The following C8orf34 variants were observed in gnomAD, a reference collection of about 807,000 sequenced individuals.
C8orf34 encodes uncharacterized protein C8orf34.
C8orf34 carries 65 observed loss-of-function variants against 68.3 expected under a neutral mutation model. The observed-to-expected ratio is 0.95, with a 90% CI of 0.78 to 1.17. The LOEUF is 1.17. Ranked by LOEUF, C8orf34 falls within the 50% of genes most tolerant of loss-of-function variation. C8orf34 has a pLI of 0.00. For synonymous variants in C8orf34, 244 were observed against 241.2 expected, an observed-to-expected ratio of 1.01 and a Z score of -0.11; for missense variants, 664 against 655.4, an observed-to-expected ratio of 1.01 and a Z score of -0.14.
intron 1 of C8orf34, among the ~76,000 whole-genome samples, chr8:68,353,777 C>T (rs573112166): frequency 2.6e-4 from 39 of 151,550 alleles, no homozygotes; most frequent in African/African-American, 9.2e-4. Context: ...TCATTAGTCT[C>T]TAAAGAATAT....
chr8:68,493,413 G>A (rs1257941224), intron 5 of C8orf34, among the ~76,000 whole-genome samples: 2 of 152,006 alleles, frequency 1.3e-5, no homozygotes, highest in African/African-American at 4.8e-5. Context: ...AAAAAAACAC[G>A]ATGAGATACC....
chr8:68,771,008 A>G (rs965970439), intron 10 of C8orf34, among the ~76,000 whole-genome samples: 1 of 152,178 alleles, frequency 6.6e-6, no homozygotes, highest in African/African-American at 2.4e-5. Context: ...TTCCAGAGAA[A>G]TGTGGTCTGC....
intron 3 of C8orf34, 77 bp from the exon 4 acceptor site, chr8:68,468,615 C>A: frequency 6.9e-7 from 1 of 1,443,348 alleles, no homozygotes; most frequent in Non-Finnish European, 9.5e-7. Flanking sequence ...TTGGTACAGT[C>A]TTTCACGTGA....
At chr8:68,492,362 T>C (rs975447670) in intron 5 of C8orf34, among the ~76,000 whole-genome samples, 9 of 152,226 alleles carry the variant, frequency 5.9e-5, no homozygotes, top group African/African-American at 1.9e-4. Flanking sequence ...CTTGAGTAGC[T>C]GGGACTACAA....
chr8:68,530,750 C>T (rs1411172681), intron 6 of C8orf34: 7 of 385,382 alleles, frequency 1.8e-5, no homozygotes, highest in East Asian at 1.3e-4. Flanking sequence ...GGAATGATAT[C>T]GAGGGTTAGT....
chr8:68,337,732 A>T (rs1238419886), intron 1 of C8orf34, among the ~76,000 whole-genome samples: 1 of 152,180 alleles, frequency 6.6e-6, no homozygotes, highest in Admixed American at 6.5e-5. Flanking sequence ...AAATTATGTG[A>T]ATGTAGTTCA....
intron 8 of C8orf34, among the ~76,000 whole-genome samples, chr8:68,704,361 A>T (rs1206908387): frequency 2.6e-5 from 4 of 152,120 alleles, no homozygotes; most frequent in Admixed American, 2.6e-4. Flanking sequence ...TGCCAGAGGT[A>T]ATAGTATAAT....
intron 1 of C8orf34, among the ~76,000 whole-genome samples, chr8:68,347,895 TC>T (rs1806349208): frequency 2.0e-5 from 3 of 152,068 alleles, no homozygotes; most frequent in Admixed American, 2.0e-4. Flanking sequence ...AAATATTTTC[TC>T]CCCGCTCTGT....
intron 6 of C8orf34, among the ~76,000 whole-genome samples, chr8:68,523,084 G>A (rs940976038): frequency 1.3e-5 from 2 of 152,146 alleles, no homozygotes; most frequent in Non-Finnish European, 2.9e-5. Context: ...CTATTTCCAT[G>A]AGAAATAACT....
At chr8:68,404,878 G>T (rs1238084042) in intron 1 of C8orf34, among the ~76,000 whole-genome samples, 1 of 151,982 alleles carries the variant, frequency 6.6e-6, no homozygotes, top group South Asian at 2.1e-4. Context: ...GAAATTTAAA[G>T]TAGTTTTTTT....
intron 7 of C8orf34, among the ~76,000 whole-genome samples, chr8:68,567,577 CTT>C (rs1160845483): frequency 9.7e-4 from 29 of 29,774 alleles, no homozygotes; most frequent in Non-Finnish European, 1.4e-3. Flanking sequence ...TTTCATTTAT[CTT>C]TTTTTTTTTT....
intron 4 of C8orf34, 144 bp from the exon 5 acceptor site, chr8:68,487,879 C>A: frequency 1.8e-6 from 1 of 550,550 alleles, no homozygotes. Context: ...AAAGGATGTG[C>A]CACATTATTT....
At chr8:68,776,184 C>G (rs999111433) in intron 10 of C8orf34, among the ~76,000 whole-genome samples, 1 of 152,156 alleles carries the variant, frequency 6.6e-6, no homozygotes, top group African/African-American at 2.4e-5. Flanking sequence ...TTTTAAAAAT[C>G]CACTTGAAAG....
intron 12 of C8orf34, among the ~76,000 whole-genome samples, chr8:68,793,285 C>T (rs765365220): frequency 8.5e-5 from 13 of 152,102 alleles, no homozygotes; most frequent in Non-Finnish European, 1.8e-4. Context: ...TTCCAAAAGG[C>T]TGAGAGTAAA....
At chr8:68,704,932 A>G (rs1485662653) in intron 8 of C8orf34, among the ~76,000 whole-genome samples, 1 of 152,192 alleles carries the variant, frequency 6.6e-6, no homozygotes, top group African/African-American at 2.4e-5. Flanking sequence ...TGATAGCCTT[A>G]TGGAAAAGGG....
At chr8:68,647,880 T>C (rs1310957863) in intron 8 of C8orf34, among the ~76,000 whole-genome samples, 1 of 152,180 alleles carries the variant, frequency 6.6e-6, no homozygotes, top group Non-Finnish European at 1.5e-5. Flanking sequence ...ATTGCTGCAA[T>C]TTGTGTGATT....
intron 11 of C8orf34, among the ~76,000 whole-genome samples, chr8:68,780,729 C>A (rs1823650638): frequency 6.6e-6 from 1 of 152,094 alleles, no homozygotes; most frequent in Non-Finnish European, 1.5e-5. Context: ...CCAGACTGGG[C>A]AACATGGTGA....
chr8:68,606,121 C>T lies in C8orf34; in HGVS notation c.1106-34255C>T, dbSNP rs79079953. 3.5e-3 allele frequency among the ~76,000 whole-genome samples: 530 copies of T among 152,164 alleles called. 6 individuals carry two copies. The highest frequency in any genetic ancestry group is 0.012 in the African/African-American group (508 of 41,518). On this transcript the variant is annotated intron_variant, in intron 7 of 13. Coordinates refer to ENST00000518698, the MANE Select transcript of C8orf34 (RefSeq NM_052958.4). ...TGCTTTCTGCAACTTTCAACCAATG[C>T]AATATGACGCATAAATGATGGATTG... is the stretch of plus-strand genomic sequence containing the variant.
chr8:68,557,531 A>T (rs1816291394), intron 7 of C8orf34, among the ~76,000 whole-genome samples: 2 of 152,136 alleles, frequency 1.3e-5, no homozygotes, highest in African/African-American at 4.8e-5. Context: ...TTTCATTGCT[A>T]TTTCTTTGCT....
Sources: gnomAD v4.1 joint callset for allele counts (sites outside exome capture counted in the v4.1 genomes callset) on GRCh38, gnomAD v4.1.1 for gene constraint, MANE v1.5 for transcripts, NCBI Gene and HGNC (gene_info 2026-07-23, HGNC 2026-07-21) for gene names.